The following AVIL variants were observed in gnomAD, a reference collection of about 807,000 sequenced individuals.
AVIL encodes advillin.
In AVIL, 78 loss-of-function variants were observed where a neutral mutation model predicts 109.9. The observed-to-expected ratio is 0.71, with a 90% CI of 0.59 to 0.86. The LOEUF (loss-of-function observed/expected upper bound fraction) is 0.86, where lower values mean the gene tolerates loss of function less well. AVIL is among the 40% of genes least tolerant of loss of function. The pLI, the probability that AVIL is intolerant of heterozygous loss-of-function variation, is 0.00. For missense variants in AVIL, 892 were observed against 1,016.5 expected, an observed-to-expected ratio of 0.88 and a Z score of 1.67; for synonymous variants, 367 against 379.1, an observed-to-expected ratio of 0.97 and a Z score of 0.37.
intron 4 of AVIL, 57 bp from the exon 5 acceptor site, chr12:57,811,184 G>A (rs1209973866): frequency 7.2e-6 from 11 of 1,519,636 alleles, no homozygotes; most frequent in Admixed American, 1.7e-5. Context: ...GTTCTGGGGA[G>A]ACAGTGGTGA....
intron 18 of AVIL, 22 bp downstream of exon 18, chr12:57,801,122 C>A: frequency 1.2e-6 from 2 of 1,610,982 alleles, no homozygotes; most frequent in Non-Finnish European, 1.7e-6. Context: ...GCTGGCTTCT[C>A]CCAAGAGCGA....
chr12:57,808,590 T>A (rs776708918), intron 9 of AVIL, 42 bp from the exon 10 acceptor site: 1 of 1,604,782 alleles, frequency 6.2e-7, no homozygotes, highest in Admixed American at 1.7e-5. Context: ...AGTGGTGGAA[T>A]ACACTGAGTT....
chr12:57,808,037 A>G, intron 11 of AVIL, 157 bp downstream of exon 11: 1 of 895,108 alleles, frequency 1.1e-6, no homozygotes. Flanking sequence ...TACCCTGAAA[A>G]CTCTACAGAC....
chr12:57,813,384 A>G lies in AVIL; in HGVS notation c.181T>C (p.Phe61Leu), dbSNP rs1682330485. The change falls in exon 4 of 20, where the codon TTC (phenylalanine) becomes CTC (leucine). Residue 61 changes from phenylalanine to leucine, a missense_variant. By Grantham distance (22) the Phe-to-Leu change is conservative (BLOSUM62 0). Transcript: ENST00000549994. ...VASLLSQDIH[F>L]WIGKDSSQDE... Reference sequence around the variant, plus strand: ...TGGGAGGAGTCCTTCCCGATCCAGAAGTGGATGTCCTGGGATAGGAGACTG... The same window carrying G: ...TGGGAGGAGTCCTTCCCGATCCAGAGGTGGATGTCCTGGGATAGGAGACTG... 3 of 1,614,080 alleles carry G rather than the reference A, an allele frequency of 1.9e-6. No homozygotes were observed. The highest frequency in any genetic ancestry group is 2.7e-5 in the African/African-American group (2 of 75,030).
chr12:57,814,429 C>T (rs961033485), intron 2 of AVIL: 2 of 572,896 alleles, frequency 3.5e-6, no homozygotes, highest in Non-Finnish European at 6.3e-6. Context: ...TTGCATCACC[C>T]CGGATCTGAA....
rs750309496 is a variant in AVIL, at chr12:57,811,114, C to T, written c.352G>A (p.Gly118Ser). The T allele has an allele frequency of 1.9e-6, 3 of 1,614,084 alleles. No homozygotes were observed. Among genetic ancestry groups the T allele is most frequent in the Non-Finnish European group, 2.5e-6 (3 of 1,179,988 alleles). ...ACGTGCTTCATCCCAGAGGCGACAC[C>T]CCCCTGCTTGTAGCTAAGGGAACAT... is the stretch of plus-strand genomic sequence containing the variant. ...FKQGIIYKQG[G>S]VASGMKHVET... Residue 118 changes from glycine to serine, a missense_variant, in exon 5 of 20, where the codon GGT becomes AGT. Physicochemically the swap from Gly to Ser is moderately conservative, Grantham distance 56 (BLOSUM62 0). Transcript: ENST00000549994.
chr12:57,815,109 T>C (rs909999706), intron 2 of AVIL, among the ~76,000 whole-genome samples: 5 of 152,146 alleles, frequency 3.3e-5, no homozygotes, highest in Non-Finnish European at 5.9e-5. Context: ...CCTGCCACCA[T>C]GCCCAGCTAA....
intron 2 of AVIL, among the ~76,000 whole-genome samples, chr12:57,815,231 C>T (rs779583547): frequency 6.6e-6 from 1 of 152,212 alleles, no homozygotes; most frequent in African/African-American, 2.4e-5. Flanking sequence ...GGATTACAGG[C>T]GTGAGCCACC....
chr12:57,818,422 T>C (rs1414777077), intron 1 of AVIL, among the ~76,000 whole-genome samples: 1 of 152,110 alleles, frequency 6.6e-6, no homozygotes, highest in African/African-American at 2.4e-5. Flanking sequence ...CTTTCCCAGC[T>C]TTTGAAAATG....
Position 57,806,405 on chromosome 12 carries a change from G to T in AVIL, c.1626C>A (p.Val542=), listed in dbSNP as rs780497014. The change falls in exon 14 of 20, where the codon GTC becomes GTA. Residue 542 remains valine, a synonymous_variant. Coordinates refer to ENST00000549994, the MANE Select transcript of AVIL (RefSeq NM_006576.4). ...GCTCTGCCTGAGTTCGCAGCAGAAA[G>T]ACATCATTGGAGTTTAGGGAGGAGG... is the stretch of plus-strand genomic sequence containing the variant. ...AFASSLNSND[V]FLLRTQAEHY... is the part of the protein sequence containing the mutation. 1.6e-5 allele frequency: 26 copies of T among 1,613,988 alleles called. No individual in the cohort carries two copies. The Admixed American group carries it at 3.8e-4, about 24-fold the overall frequency.
In AVIL at chr12:57,798,600, G is replaced by T. The variant is rs142642159; in HGVS notation, c.2347-605C>A. On this transcript the variant is annotated intron_variant, in intron 19 of 19. Coordinates refer to ENST00000549994, the MANE Select transcript of AVIL (RefSeq NM_006576.4). ...TAAATCAACTTCTTCAAGGGGAAAA[G>T]AAATTTATTCTTTTCTTTTCTTTTT... Among the ~76,000 whole-genome samples, 374 of 151,360 alleles carry T rather than the reference G, an allele frequency of 2.5e-3. 7 individuals are homozygous for T. The highest frequency in any genetic ancestry group is 7.9e-3 in the African/African-American group (325 of 41,302).
At position 57,807,704 on chromosome 12, in the gene AVIL, C is replaced by T; in HGVS notation, c.1218G>A (p.Glu406=). ...KVEVWRIENL[E]LVPVEYQWYG... is the part of the protein sequence containing the mutation. ...ACCATTGATACTCCACAGGGACCAG[C>T]TCCAGGTTCTCAATTCTCCAGACCT... The change falls in exon 12 of 20, where the codon GAG becomes GAA. Residue 406 remains glutamate, a synonymous_variant. Coordinates refer to ENST00000549994, the MANE Select transcript of AVIL (RefSeq NM_006576.4). 1 of 1,614,018 alleles carries T rather than the reference C, an allele frequency of 6.2e-7. No individual in the cohort carries two copies. The highest frequency in any genetic ancestry group is 1.6e-4 in the Middle Eastern group (1 of 6,062).
intron 4 of AVIL, among the ~76,000 whole-genome samples, chr12:57,812,315 T>A (rs920628507): frequency 3.9e-5 from 6 of 152,220 alleles, no homozygotes; most frequent in African/African-American, 1.4e-4. Context: ...ATTACAGGTG[T>A]GAGCCACCAC....
chr12:57,813,969 A>T (rs933472461), intron 3 of AVIL, among the ~76,000 whole-genome samples, 183 bp downstream of exon 3: 4 of 152,128 alleles, frequency 2.6e-5, no homozygotes, highest in Non-Finnish European at 5.9e-5. Context: ...ATGCAGCATT[A>T]AAAACCCAGG....
At chr12:57,817,261 G>A (rs1025811777) in intron 1 of AVIL, among the ~76,000 whole-genome samples, 1 of 151,752 alleles carries the variant, frequency 6.6e-6, no homozygotes, top group Non-Finnish European at 1.5e-5. Flanking sequence ...AGGACTGTAT[G>A]CATTTTTGCT....
chr12:57,808,837 A>T (rs150444497), intron 9 of AVIL: 3 of 384,182 alleles, frequency 7.8e-6, no homozygotes, highest in East Asian at 1.1e-4. Context: ...CTGACTTTGC[A>T]TCACATTTGT....
chr12:57,816,082 G>C (rs918556758), intron 1 of AVIL, 23 bp from the exon 2 acceptor site: 3 of 1,571,190 alleles, frequency 1.9e-6, no homozygotes, highest in Non-Finnish European at 2.6e-6. Context: ...AGAACAAGAG[G>C]GGAGATGATA....
At position 57,816,008 on chromosome 12, in the gene AVIL, G is replaced by C. The variant is rs1462915004; in HGVS notation, c.33C>G (p.Asp11Glu). MPLTSAFRAV[D>E]NDPGIIVWRI... ...TCCAGACAATGATCCCAGGGTCGTTGTCCACAGCCCTGAAGGCACTGGTCA... is the reference window on the plus strand; with the variant it reads ...TCCAGACAATGATCCCAGGGTCGTTCTCCACAGCCCTGAAGGCACTGGTCA... The change falls in exon 2 of 20, where the codon GAC (aspartate) becomes GAG (glutamate). Residue 11 changes from aspartate (D) to glutamate (E), a missense_variant. Coordinates refer to ENST00000549994, the MANE Select transcript of AVIL (RefSeq NM_006576.4). 1 of 1,614,198 alleles carries C rather than the reference G, an allele frequency of 6.2e-7. No homozygotes were observed. The highest frequency in any genetic ancestry group is 2.2e-5 in the East Asian group (1 of 44,890).
chr12:57,802,097 G>A, intron 17 of AVIL, 63 bp downstream of exon 17: 1 of 1,554,802 alleles, frequency 6.4e-7, no homozygotes, highest in Non-Finnish European at 8.8e-7. Context: ...CCACCTTCCT[G>A]CCCACTGAGC....
Sources: gnomAD v4.1 joint callset for allele counts (sites outside exome capture counted in the v4.1 genomes callset) on GRCh38, gnomAD v4.1.1 for gene constraint, MANE v1.5 for transcripts, NCBI Gene and HGNC (gene_info 2026-07-23, HGNC 2026-07-21) for gene names.